The following GRK7 variants were observed in gnomAD, a reference collection of about 807,000 sequenced individuals.
GRK7 encodes the protein rhodopsin kinase GRK7.
A neutral mutation model predicts 34.1 loss-of-function variants in GRK7; 24 were observed. The observed-to-expected ratio is 0.70, with a 90% confidence interval of 0.51 to 0.99. The LOEUF (loss-of-function observed/expected upper bound fraction) is 0.99. Ranked by LOEUF, GRK7 falls within the 50% of genes least tolerant of loss-of-function variation. The pLI is 0.00. For missense variants in GRK7, 644 were observed against 707.3 expected (o/e 0.91, Z 1.02); for synonymous variants, 256 against 279.4 (o/e 0.92, Z 0.84).
At chr3:141,783,653 T>C (rs1328271416) in intron 4 of GRK7, among the ~76,000 whole-genome samples, 3 of 151,960 alleles carry the variant, frequency 2.0e-5, no homozygotes, top group Non-Finnish European at 2.9e-5. Flanking sequence ...GGAATGAGAC[T>C]CTGGAAGGGG....
At chr3:141,766,410 G>A (rs2677423) in intron 1 of GRK7, among the ~76,000 whole-genome samples, 60,270 of 151,892 alleles carry the variant, frequency 0.4, 12,902 homozygotes, top group Middle Eastern at 0.54. Context: ...TGATCCACCC[G>A]CCTCGGCCTC....
chr3:141,772,151 G>A (rs2084619773), intron 1 of GRK7, among the ~76,000 whole-genome samples: 1 of 151,960 alleles, frequency 6.6e-6, no homozygotes, highest in African/African-American at 2.4e-5. Flanking sequence ...GTAGAGTGCA[G>A]TGGGACTATC....
At chr3:141,798,592 C>T (rs189061726) in intron 4 of GRK7, among the ~76,000 whole-genome samples, 29 of 152,256 alleles carry the variant, frequency 1.9e-4, no homozygotes, top group Admixed American at 5.2e-4. Flanking sequence ...GGCGCAGGGC[C>T]CTGTGTAACT....
At chr3:141,777,388 A>G (rs1221389472) in intron 2 of GRK7, among the ~76,000 whole-genome samples, 37 of 118,062 alleles carry the variant, frequency 3.1e-4, no homozygotes, top group Admixed American at 3.3e-4. Flanking sequence ...GCAGTGGCGC[A>G]ATCTCGGCTC....
rs2084668315 is a variant in GRK7, at chr3:141,780,724, T to C, written c.963T>C (p.Asn321=). The change falls in exon 4 of 6, where the codon AAT becomes AAC. Residue 321 remains asparagine, a synonymous_variant. Transcript: ENST00000682958. ...TCTATCGGGACATGAAGCCTGAGAA[T>C]GTGCTTCTGGATGACCTCGGCAACT... ...GIVYRDMKPE[N]VLLDDLGNCR... 1 of 1,614,182 alleles carries C rather than the reference T, an allele frequency of 6.2e-7. No individual in the cohort carries two copies. The highest frequency in any genetic ancestry group is 2.2e-5 in the East Asian group (1 of 44,874).
chr3:141,778,055 G>T lies in GRK7; in HGVS notation c.-113-117G>T, dbSNP rs1398421563. The T allele has an allele frequency of 3.9e-6, 2 of 510,604 alleles. No homozygotes were observed. Among genetic ancestry groups the T allele is most frequent in the Non-Finnish European group, 6.7e-6 (2 of 296,838 alleles). The allele number at this position is 510,604 out of a possible 1,614,324, so 31.6% of individuals were successfully genotyped here. ...CCCGGCAGGTGTCCCAGCAGCTTTCGCCTTGGCAGGTGGGAGCATGACCTA... is the reference window on the plus strand; with the variant it reads ...CCCGGCAGGTGTCCCAGCAGCTTTCTCCTTGGCAGGTGGGAGCATGACCTA... On this transcript the variant is annotated intron_variant, in intron 2 of 5. Coordinates refer to ENST00000682958, the MANE Select transcript of GRK7 (RefSeq NM_139209.3). The surrounding 1 kb of genome is among the most constrained non-coding windows in gnomAD (Gnocchi z 4.1).
intron 5 of GRK7, among the ~76,000 whole-genome samples, chr3:141,808,573 G>A (rs1034982885): frequency 6.6e-6 from 1 of 151,878 alleles, no homozygotes; most frequent in Non-Finnish European, 1.5e-5. Flanking sequence ...ATTAGCCGGG[G>A]GCGGTGGCAG....
the GRK7 span, among the ~76,000 whole-genome samples, chr3:141,754,969 C>A: frequency 6.6e-6 from 1 of 151,882 alleles, no homozygotes; most frequent in Non-Finnish European, 1.5e-5. Flanking sequence ...TTTGGATAGT[C>A]CTTAAATAAA....
intron 4 of GRK7, among the ~76,000 whole-genome samples, chr3:141,790,070 C>T (rs1341131809): frequency 6.6e-6 from 1 of 152,008 alleles, no homozygotes; most frequent in South Asian, 2.1e-4. Context: ...GGCACGATCT[C>T]AGCTCACTGC....
chr3:141,789,562 C>T (rs998374187), intron 4 of GRK7, among the ~76,000 whole-genome samples: 1 of 151,668 alleles, frequency 6.6e-6, no homozygotes, highest in Non-Finnish European at 1.5e-5. Flanking sequence ...AGAGGAAGGT[C>T]TGTCCCACGT....
At chr3:141,754,544 G>A in the GRK7 span, among the ~76,000 whole-genome samples, 3 of 151,034 alleles carry the variant, frequency 2.0e-5, no homozygotes, top group Admixed American at 6.6e-5. Context: ...GGGTTCGAGC[G>A]ATTCTTGTGC....
chr3:141,773,915 A>T (rs763793492), intron 1 of GRK7, among the ~76,000 whole-genome samples: 1 of 152,178 alleles, frequency 6.6e-6, no homozygotes, highest in Non-Finnish European at 1.5e-5. Flanking sequence ...AGATTTCCCA[A>T]GCAGTGCTGG....
rs189300732 is a variant in GRK7, at chr3:141,766,347, T to A, written c.-215+609T>A. On this transcript the variant is annotated intron_variant, in intron 1 of 5. Transcript: ENST00000682958. ...CCCAGCTAGTTTTTTGTATTTTTAGTAGAGATAGGGTTTCACCGTGTTAGC... is the reference window on the plus strand; with the variant it reads ...CCCAGCTAGTTTTTTGTATTTTTAGAAGAGATAGGGTTTCACCGTGTTAGC... 1.2e-4 allele frequency among the ~76,000 whole-genome samples: 18 copies of A among 152,220 alleles called. No homozygotes were observed. The East Asian group carries it at 3.5e-3, about 29-fold the overall frequency.
At chr3:141,809,701 A>T (rs1711073343) in intron 5 of GRK7, among the ~76,000 whole-genome samples, 1 of 152,190 alleles carries the variant, frequency 6.6e-6, no homozygotes, top group Non-Finnish European at 1.5e-5. Flanking sequence ...CTGTCTCTAA[A>T]AAAAAGATAC....
chr3:141,762,658 C>G (rs1297189760), upstream of GRK7, among the ~76,000 whole-genome samples: 1 of 151,846 alleles, frequency 6.6e-6, no homozygotes, highest in South Asian at 2.1e-4. Flanking sequence ...TGGAGCTTCC[C>G]GGCTGCTTTG....
At chr3:141,754,598 G>T in the GRK7 span, among the ~76,000 whole-genome samples, 1 of 151,834 alleles carries the variant, frequency 6.6e-6, no homozygotes, top group African/African-American at 2.4e-5. Context: ...ATGCCTCCCC[G>T]GTGTCTTTAG....
chr3:141,765,794 G>A (rs910736062), intron 1 of GRK7, among the ~76,000 whole-genome samples, 56 bp downstream of exon 1: 11 of 152,324 alleles, frequency 7.2e-5, no homozygotes, highest in Middle Eastern at 3.4e-3. Context: ...TGTGGGATAA[G>A]TGCATAGAAT....
intron 5 of GRK7, among the ~76,000 whole-genome samples, chr3:141,815,003 C>T (rs541689023): frequency 7.4e-5 from 11 of 149,140 alleles, no homozygotes; most frequent in African/African-American, 9.8e-5. Flanking sequence ...TGGCTCACTG[C>T]AATCTCCGCC....
At chr3:141,766,864 G>A (rs1253745163) in intron 1 of GRK7, among the ~76,000 whole-genome samples, 4 of 152,172 alleles carry the variant, frequency 2.6e-5, no homozygotes, top group Admixed American at 2.6e-4. Context: ...AACACATACA[G>A]TTCATTTGCA....
Sources: gnomAD v4.1 joint callset for allele counts (sites outside exome capture counted in the v4.1 genomes callset) on GRCh38, gnomAD v4.1.1 for gene constraint, Gnocchi (gnomAD v3.1) non-coding constraint, MANE v1.5 for transcripts, NCBI Gene and HGNC (gene_info 2026-07-23, HGNC 2026-07-21) for gene names.